PRKCE: variants seen among roughly 807,000 people sequenced by gnomAD.
The protein encoded by PRKCE is protein kinase C epsilon type.
A neutral mutation model predicts 85.4 loss-of-function variants in PRKCE; 16 were observed. That is an observed-to-expected ratio of 0.19 (90% confidence interval 0.13 to 0.28). The LOEUF is 0.28. PRKCE is among the 10% of genes least tolerant of loss of function. The pLI is 1.00. For missense variants in PRKCE, 573 were observed against 975.2 expected, an observed-to-expected ratio of 0.59 and a Z score of 5.49; for synonymous variants, 388 against 371.5, an observed-to-expected ratio of 1.04 and a Z score of -0.51.
intron 2 of PRKCE, chr2:45,845,491 T>G (rs935744038): frequency 6.6e-6 from 1 of 152,126 alleles, no homozygotes; most frequent in African/African-American, 2.4e-5. Context: ...CAAGCATCCC[T>G]TCAGCTCCCA....
intron 1 of PRKCE, among the ~76,000 whole-genome samples, chr2:45,699,205 C>G (rs1292869475): frequency 6.6e-6 from 1 of 152,076 alleles, no homozygotes; most frequent in Non-Finnish European, 1.5e-5. Flanking sequence ...AAAGGAGGGG[C>G]TCCCCCTAAT....
chr2:46,052,651 A>G (rs953039841), intron 10 of PRKCE, among the ~76,000 whole-genome samples: 1 of 152,238 alleles, frequency 6.6e-6, no homozygotes. Flanking sequence ...CCGATCTTAA[A>G]ATTCATATGA....
chr2:45,993,067 G>A (rs543285416), intron 6 of PRKCE, among the ~76,000 whole-genome samples: 1 of 152,022 alleles, frequency 6.6e-6, no homozygotes, highest in Admixed American at 6.6e-5. Flanking sequence ...GGAAAGAGAA[G>A]CCTTAAAGGG....
chr2:45,958,904 C>G (rs1239246292), intron 2 of PRKCE, among the ~76,000 whole-genome samples: 1 of 132,442 alleles, frequency 7.6e-6, no homozygotes, highest in South Asian at 2.6e-4. Context: ...TGTTTTGCCC[C>G]TAAGGAGCAG....
chr2:46,095,347 T>G (rs954701648), intron 11 of PRKCE, among the ~76,000 whole-genome samples: 1 of 152,138 alleles, frequency 6.6e-6, no homozygotes, highest in African/African-American at 2.4e-5. Flanking sequence ...AGAATACACA[T>G]GTTTATTTAA....
intron 1 of PRKCE, among the ~76,000 whole-genome samples, chr2:45,671,131 C>T (rs186710844): frequency 1.5e-4 from 23 of 152,306 alleles, no homozygotes; most frequent in East Asian, 1.9e-4. Context: ...AAGGTGTTTG[C>T]GGCCTTACCC....
intron 1 of PRKCE, among the ~76,000 whole-genome samples, chr2:45,834,588 GTGTA>G (rs1227397071): frequency 2.0e-5 from 3 of 148,790 alleles, no homozygotes; most frequent in African/African-American, 5.1e-5. Flanking sequence ...GTGCGCATGT[GTGTA>G]TGTGTGTGTG....
At chr2:45,966,931 G>A (rs1701771850) in intron 2 of PRKCE, among the ~76,000 whole-genome samples, 1 of 152,176 alleles carries the variant, frequency 6.6e-6, no homozygotes. Context: ...ATAGAGAGAT[G>A]CAGGGTTTCT....
chr2:45,897,744 G>A (rs551609390), intron 2 of PRKCE, among the ~76,000 whole-genome samples: 2 of 152,306 alleles, frequency 1.3e-5, no homozygotes, highest in East Asian at 1.9e-4. Flanking sequence ...CTGAGATGGA[G>A]AAAACAGCAA....
intron 10 of PRKCE, chr2:46,010,798 A>T (rs1558956323): frequency 6.3e-7 from 1 of 1,587,562 alleles, no homozygotes; most frequent in Non-Finnish European, 8.5e-7. Flanking sequence ...TGCTCATTGG[A>T]AAAACCAACA....
chr2:45,910,364 A>C (rs1697295852), intron 2 of PRKCE, among the ~76,000 whole-genome samples: 1 of 152,198 alleles, frequency 6.6e-6, no homozygotes, highest in Non-Finnish European at 1.5e-5. Context: ...GTGCTAAGAC[A>C]GGAAGCCCAC....
intron 10 of PRKCE, among the ~76,000 whole-genome samples, chr2:46,059,117 G>A (rs1666876346): frequency 6.6e-6 from 1 of 152,148 alleles, no homozygotes; most frequent in Non-Finnish European, 1.5e-5. Flanking sequence ...TGAGCTTTGT[G>A]GTGCTTGTTT....
chr2:45,744,412 C>G (rs569596713), intron 1 of PRKCE, among the ~76,000 whole-genome samples: 2 of 148,200 alleles, frequency 1.3e-5, no homozygotes, highest in Non-Finnish European at 3.0e-5. Flanking sequence ...TCTTTCTTTT[C>G]TTTTCTTTCT....
rs958831881 is a variant in PRKCE at position 46,139,507 on chromosome 2, A to G, written c.1593-5586A>G. On this transcript the variant is annotated intron_variant, in intron 11 of 14. Transcript: ENST00000306156. The surrounding 1 kb of genome is among the most constrained non-coding windows in gnomAD (Gnocchi z 5.2). ...AACCCAAAACAACTGTGCTCTAAAT[A>G]AGATACAAGTTTCTTTCTTTTTCAT... 6.6e-6 allele frequency among the ~76,000 whole-genome samples: 1 copy of G among 152,134 alleles called. No individual in the cohort carries two copies. The highest frequency in any genetic ancestry group is 2.4e-5 in the African/African-American group (1 of 41,428).
At chr2:45,671,263 A>G (rs1484855858) in intron 1 of PRKCE, among the ~76,000 whole-genome samples, 1 of 152,236 alleles carries the variant, frequency 6.6e-6, no homozygotes, top group African/African-American at 2.4e-5. Flanking sequence ...TATTCCTCTT[A>G]ATTTGACATT....
intron 1 of PRKCE, among the ~76,000 whole-genome samples, chr2:45,822,206 G>A (rs981650986): frequency 1.3e-5 from 2 of 152,218 alleles, no homozygotes; most frequent in African/African-American, 4.8e-5. Context: ...ACAGAGACAG[G>A]GAAGCTAAAT....
chr2:45,863,688 C>G (rs1214884387), intron 2 of PRKCE, among the ~76,000 whole-genome samples: 6 of 152,054 alleles, frequency 3.9e-5, no homozygotes, highest in Non-Finnish European at 8.8e-5. Context: ...TGCATTGAGG[C>G]TTAACAGATG....
chr2:45,794,844 TA>T (rs1439716076), intron 1 of PRKCE, among the ~76,000 whole-genome samples: 1 of 83,108 alleles, frequency 1.2e-5, no homozygotes, highest in African/African-American at 7.1e-5. Context: ...ATTATTGCCC[TA>T]CCCCCCCCCC....
chr2:45,891,678 C>T (rs756457550), intron 2 of PRKCE, among the ~76,000 whole-genome samples: 7 of 152,174 alleles, frequency 4.6e-5, no homozygotes, highest in East Asian at 3.9e-4. Context: ...ATCTTCCGCA[C>T]GTAGAGTGGG....
Sources: gnomAD v4.1 joint callset for allele counts (sites outside exome capture counted in the v4.1 genomes callset) on GRCh38, gnomAD v4.1.1 for gene constraint, Gnocchi (gnomAD v3.1) non-coding constraint, MANE v1.5 for transcripts, NCBI Gene and HGNC (gene_info 2026-07-23, HGNC 2026-07-21) for gene names.